LARP4: variants seen among roughly 807,000 people sequenced by gnomAD.
LARP4 encodes the protein La ribonucleoprotein 4.
LARP4 carries 29 observed loss-of-function variants against 92.9 expected under a neutral mutation model. That is an observed-to-expected ratio of 0.31 (90% confidence interval 0.23 to 0.43). The LOEUF is 0.43. Ranked by LOEUF, LARP4 falls within the 20% of genes least tolerant of loss-of-function variation. The pLI is 1.00. For synonymous variants in LARP4, 279 were observed against 284.1 expected (o/e 0.98, Z 0.18); for missense variants, 732 against 860.0 (o/e 0.85, Z 1.86).
chr12:50,474,984 A>G (rs562709949), intron 15 of LARP4, among the ~76,000 whole-genome samples: 7 of 152,376 alleles, frequency 4.6e-5, no homozygotes, highest in African/African-American at 1.7e-4. Flanking sequence ...CAATGATAGT[A>G]ATAATACTAA....
intron 10 of LARP4, among the ~76,000 whole-genome samples, chr12:50,459,622 G>A (rs905054751): frequency 1.3e-5 from 2 of 151,940 alleles, no homozygotes; most frequent in South Asian, 4.2e-4. Flanking sequence ...TCAGGAGATC[G>A]AGACCATCGT....
rs140828571 is a variant in LARP4, at chr12:50,478,423, C to G, written c.*2559C>G. The G allele has an allele frequency of 6.6e-6, 1 of 151,866 alleles. No individual in the cohort carries two copies. The highest frequency in any genetic ancestry group is 1.9e-4 in the East Asian group (1 of 5,192). The allele number at this position is 151,866 out of a possible 1,614,324, so 9.4% of individuals were successfully genotyped here. Reference sequence around the variant, plus strand: ...TTTAAAGTTTGTATCTAAATAATGCCTATGAGTTGTGTGAAGCTCTTGGCT... The same window carrying G: ...TTTAAAGTTTGTATCTAAATAATGCGTATGAGTTGTGTGAAGCTCTTGGCT... On this transcript the variant is annotated 3_prime_UTR_variant, in exon 16 of 16. Coordinates refer to ENST00000398473, the MANE Select transcript of LARP4 (RefSeq NM_052879.5).
At chr12:50,438,883 A>G (rs1433171326) in intron 6 of LARP4, among the ~76,000 whole-genome samples, 1 of 152,216 alleles carries the variant, frequency 6.6e-6, no homozygotes, top group Non-Finnish European at 1.5e-5. Context: ...ATTAAAGAAG[A>G]TGAGGATAAT....
At chr12:50,402,365 G>C (rs760140633) in intron 1 of LARP4, among the ~76,000 whole-genome samples, 10 of 152,006 alleles carry the variant, frequency 6.6e-5, no homozygotes, top group African/African-American at 1.2e-4. Context: ...AACTCATTCT[G>C]TTTACTGTTT....
chr12:50,429,930 A>G (rs1219167588), intron 3 of LARP4, among the ~76,000 whole-genome samples: 4 of 152,150 alleles, frequency 2.6e-5, no homozygotes, highest in African/African-American at 2.4e-5. Flanking sequence ...GTGAGCCACC[A>G]TGCCCGGCCT....
chr12:50,452,941 G>T (rs1953505994), intron 8 of LARP4, among the ~76,000 whole-genome samples: 1 of 151,490 alleles, frequency 6.6e-6, no homozygotes, highest in Non-Finnish European at 1.5e-5. Flanking sequence ...ACAGGGTCTC[G>T]CTCTGTTGCC....
At chr12:50,462,359 A>T (rs1955520180) in intron 11 of LARP4, among the ~76,000 whole-genome samples, 1 of 152,036 alleles carries the variant, frequency 6.6e-6, no homozygotes, top group Admixed American at 6.6e-5. Flanking sequence ...ACGTGCCTGT[A>T]ATTCCAGCTA....
intron 1 of LARP4, 21 bp from the exon 2 acceptor site, chr12:50,427,741 A>G (rs770420336): frequency 1.4e-6 from 2 of 1,449,860 alleles, no homozygotes; most frequent in Non-Finnish European, 1.8e-6. Flanking sequence ...AAATTTACAA[A>G]TAGATCCTTC....
chr12:50,442,917 G>T (rs954829260), intron 8 of LARP4, among the ~76,000 whole-genome samples: 4 of 152,154 alleles, frequency 2.6e-5, no homozygotes, highest in Non-Finnish European at 5.9e-5. Context: ...TATTACAGAT[G>T]AGGCTGTTTT....
At chr12:50,458,966 T>G (rs1024950388) in intron 10 of LARP4, among the ~76,000 whole-genome samples, 1 of 152,150 alleles carries the variant, frequency 6.6e-6, no homozygotes, top group Non-Finnish European at 1.5e-5. Flanking sequence ...TAAATCTCAT[T>G]TGGTGATGGA....
At chr12:50,451,562 C>T (rs1397962624) in intron 8 of LARP4, among the ~76,000 whole-genome samples, 5 of 151,776 alleles carry the variant, frequency 3.3e-5, no homozygotes, top group East Asian at 3.9e-4. Flanking sequence ...AGGCCAGGCG[C>T]GGTGGCTCAT....
intron 1 of LARP4, among the ~76,000 whole-genome samples, chr12:50,423,518 G>T (rs1228943046): frequency 6.6e-6 from 1 of 151,966 alleles, no homozygotes; most frequent in Non-Finnish European, 1.5e-5. Context: ...GCGTAATCTC[G>T]GCTCACCACA....
Position 50,473,490 on chromosome 12 carries a change from A to G in LARP4, c.1621A>G (p.Asn541Asp). 1 of 1,613,614 alleles carries G rather than the reference A, an allele frequency of 6.2e-7. No individual in the cohort carries two copies. The highest frequency in any genetic ancestry group is 8.5e-7 in the Non-Finnish European group (1 of 1,179,606). ...AGAATGCACTTCTGCCCAGCAACTCAATATGAGTACCAGTTCTCCATGTGC... is the reference window on the plus strand; with the variant it reads ...AGAATGCACTTCTGCCCAGCAACTCGATATGAGTACCAGTTCTCCATGTGC... ...QTECTSAQQL[N>D]MSTSSPCAAE... Residue 541 changes from asparagine (N) to aspartate (D), a missense_variant, in exon 14 of 16, where the codon AAT (asparagine) becomes GAT (aspartate). By Grantham distance (23) the Asn-to-Asp change is conservative. Transcript: ENST00000398473.
chr12:50,430,490 A>T lies in LARP4; in HGVS notation c.323-5A>T, dbSNP rs1404537828. ...CTTTTTTTCCCTCTTCTTTTCTACC[A>T]TCAGGAGAAAGCAATTCAGCAGTTT... On this transcript the variant is annotated splice_polypyrimidine_tract_variant and splice_region_variant and intron_variant, in intron 3 of 15. Coordinates refer to ENST00000398473, the MANE Select transcript of LARP4 (RefSeq NM_052879.5). The T allele has an allele frequency of 1.7e-5, 26 of 1,569,346 alleles. No individual in the cohort carries two copies. The highest frequency in any genetic ancestry group is 2.2e-5 in the Non-Finnish European group (25 of 1,145,328).
intron 8 of LARP4, among the ~76,000 whole-genome samples, chr12:50,452,695 A>G (rs998801972): frequency 6.6e-5 from 10 of 151,982 alleles, no homozygotes; most frequent in Admixed American, 6.6e-4. Flanking sequence ...GAGCATTTTT[A>G]CATATGCCTG....
chr12:50,419,516 A>G (rs1947385760), intron 1 of LARP4, among the ~76,000 whole-genome samples: 1 of 152,202 alleles, frequency 6.6e-6, no homozygotes, highest in East Asian at 1.9e-4. Context: ...ACTACCTATT[A>G]TTTCCAAAAA....
intron 1 of LARP4, among the ~76,000 whole-genome samples, chr12:50,418,096 G>A (rs1318595217): frequency 6.6e-6 from 1 of 152,106 alleles, no homozygotes; most frequent in African/African-American, 2.4e-5. Flanking sequence ...CCTGATCTCA[G>A]GTGATCCACC....
At chr12:50,407,743 A>T (rs777585498) in intron 1 of LARP4, among the ~76,000 whole-genome samples, 2 of 152,146 alleles carry the variant, frequency 1.3e-5, no homozygotes, top group Non-Finnish European at 2.9e-5. Flanking sequence ...AGGCTGAGGC[A>T]CACCTTGAAG....
intron 1 of LARP4, among the ~76,000 whole-genome samples, chr12:50,408,985 T>A (rs1252888304): frequency 6.6e-6 from 1 of 151,366 alleles, no homozygotes; most frequent in Non-Finnish European, 1.5e-5. Flanking sequence ...TCTTAAAAAT[T>A]TTTTTTTTAA....
Sources: allele counts gnomAD v4.1 joint callset (sites outside exome capture counted in the v4.1 genomes callset), GRCh38; gene constraint gnomAD v4.1.1; transcripts MANE v1.5; gene names NCBI Gene and HGNC (gene_info 2026-07-23, HGNC 2026-07-21).